Variants in KLF7 observed in about 807,000 individuals in gnomAD.
KLF7 encodes Krueppel-like factor 7.
Under a neutral mutation model 27.3 loss-of-function variants are expected in KLF7, and 2 were observed. That is an observed-to-expected ratio of 0.07 (90% confidence interval 0.03 to 0.23). KLF7 has a LOEUF of 0.23. Among genes scored for constraint, KLF7 ranks in the 10% least tolerant of loss-of-function variants. KLF7 has a pLI of 1.00. For synonymous variants in KLF7, 165 were observed against 162.4 expected (o/e 1.02, Z -0.12); for missense variants, 221 against 394.1 (o/e 0.56, Z 3.72).
At chr2:207,108,188 C>CAAAAACAAAAAT (rs1046301297) in intron 2 of KLF7, among the ~76,000 whole-genome samples, 2 of 151,804 alleles carry the variant, frequency 1.3e-5, no homozygotes, top group Non-Finnish European at 1.5e-5. Context: ...AGGAAAACCA[C>CAAAAACAAAAAT]AAAAACAAAA....
At chr2:207,173,353 G>A in the KLF7 span, among the ~76,000 whole-genome samples, 5 of 152,156 alleles carry the variant, frequency 3.3e-5, no homozygotes, top group Admixed American at 2.0e-4. Context: ...CCTGGTCACC[G>A]CGGCAGTACT....
intron 3 of KLF7, among the ~76,000 whole-genome samples, chr2:207,083,449 A>G (rs1395237446): frequency 6.6e-6 from 1 of 152,198 alleles, no homozygotes; most frequent in African/African-American, 2.4e-5. Context: ...AGATCCCTAT[A>G]AAGAAGGTAC....
At chr2:207,093,255 A>G (rs898168663) in intron 2 of KLF7, among the ~76,000 whole-genome samples, 1 of 152,242 alleles carries the variant, frequency 6.6e-6, no homozygotes, top group Non-Finnish European at 1.5e-5. Flanking sequence ...ATTAAAGTGT[A>G]AAAGTTCCAA....
chr2:207,121,960 C>T (rs1271896440), intron 2 of KLF7: 2 of 152,240 alleles, frequency 1.3e-5, no homozygotes, highest in East Asian at 3.8e-4. Context: ...TCATGAACTC[C>T]ACAGCCCAAA....
chr2:207,103,016 C>T (rs2076803923), intron 2 of KLF7, among the ~76,000 whole-genome samples: 1 of 152,178 alleles, frequency 6.6e-6, no homozygotes, highest in Admixed American at 6.5e-5. Flanking sequence ...GCAACCTCCC[C>T]TCCCTGGTTC....
In KLF7 at chr2:207,165,479, C is replaced by G; in HGVS notation, c.90G>C (p.Glu30Asp). Residue 30 changes from glutamate (E) to aspartate (D), a missense_variant, in exon 1 of 4, where the codon GAG becomes GAC. Glu to Asp is a conservative substitution (Grantham distance 45). This residue lies in a region of KLF7 where 11 missense variants were observed against 50.8 expected (regional missense o/e 0.22). Coordinates refer to ENST00000309446, the MANE Select transcript of KLF7 (RefSeq NM_003709.4). Reference sequence around the variant, plus strand: ...TTAAATCATTCACCTGCTGCCAGGTCTCCTCCAGGGATGGTAAAGCTGAGA... The same window carrying G: ...TTAAATCATTCACCTGCTGCCAGGTGTCCTCCAGGGATGGTAAAGCTGAGA... ...GYFSALPSLE[E>D]TWQQTCLELE... is the part of the protein sequence containing the mutation. The G allele has an allele frequency of 5.0e-6, 8 of 1,614,196 alleles. No homozygotes were observed. Among genetic ancestry groups the G allele is most frequent in the Non-Finnish European group, 6.8e-6 (8 of 1,180,032 alleles).
Position 207,124,154 on chromosome 2 carries a change from G to A in KLF7, c.353C>T (p.Ser118Phe), listed in dbSNP as rs1399548220. 8 of 1,614,094 alleles carry A rather than the reference G, an allele frequency of 5.0e-6. No homozygotes were observed. The highest frequency in any genetic ancestry group is 6.8e-6 in the Non-Finnish European group (8 of 1,180,048). ...GTTGACGGCTGTGTAGCTGTCTAGA[G>A]AAGAGCTGGCCGGCTGGAGGCTGAG... ...TCLSLQPASS[S>F]LDSYTAVNQA... is the part of the protein sequence containing the mutation. The change falls in exon 2 of 4, where the codon TCT becomes TTT. Residue 118 changes from serine to phenylalanine, a missense_variant. Coordinates refer to ENST00000309446, the MANE Select transcript of KLF7 (RefSeq NM_003709.4).
intron 1 of KLF7, among the ~76,000 whole-genome samples, chr2:207,163,609 T>G (rs563049462): frequency 1.3e-5 from 2 of 152,354 alleles, no homozygotes; most frequent in South Asian, 2.1e-4. Flanking sequence ...CTCTGAAAAC[T>G]TGAACCAAAA....
At chr2:207,152,404 T>G (rs1210322382) in intron 1 of KLF7, among the ~76,000 whole-genome samples, 2 of 151,674 alleles carry the variant, frequency 1.3e-5, no homozygotes, top group African/African-American at 4.9e-5. Context: ...GGATGTCTGA[T>G]GGGAAAAAAA....
intron 1 of KLF7, among the ~76,000 whole-genome samples, chr2:207,133,497 C>A (rs1201759325): frequency 6.6e-6 from 1 of 152,182 alleles, no homozygotes; most frequent in African/African-American, 2.4e-5. Context: ...AGCCCAAGGA[C>A]GTGGGAGGAG....
intron 1 of KLF7, among the ~76,000 whole-genome samples, chr2:207,162,985 G>A (rs548656228): frequency 6.6e-6 from 1 of 152,340 alleles, no homozygotes; most frequent in East Asian, 1.9e-4. Flanking sequence ...GAGCAAAAGA[G>A]TCTCAAAATT....
chr2:207,084,004 A>C (rs2076332209), intron 3 of KLF7, among the ~76,000 whole-genome samples: 2 of 152,192 alleles, frequency 1.3e-5, no homozygotes, highest in African/African-American at 4.8e-5. Context: ...CTTGTGTTGG[A>C]CTTCTAACCT....
chr2:207,107,261 G>A (rs1293601093), intron 2 of KLF7, among the ~76,000 whole-genome samples: 1 of 152,138 alleles, frequency 6.6e-6, no homozygotes, highest in Admixed American at 6.5e-5. Context: ...TGGCATCGGA[G>A]GCCTGCTCCT....
At chr2:207,151,756 T>C (rs1021333682) in intron 1 of KLF7, among the ~76,000 whole-genome samples, 13 of 148,154 alleles carry the variant, frequency 8.8e-5, no homozygotes, top group East Asian at 2.0e-4. Flanking sequence ...ACACACAAAA[T>C]AGTAATAATC....
chr2:207,168,650 A>G (rs113388934), upstream of KLF7, among the ~76,000 whole-genome samples: 316 of 152,336 alleles, frequency 2.1e-3, 2 homozygotes, highest in African/African-American at 6.4e-3. Context: ...CTGACTTGCA[A>G]AAGGACTCAA....
chr2:207,166,319 C>A (rs2078707775), upstream of KLF7: 6 of 362,404 alleles, frequency 1.7e-5, no homozygotes, highest in Non-Finnish European at 2.3e-5. Flanking sequence ...TGCTGCCTTA[C>A]AAGGCGGTGC....
At chr2:207,144,548 T>C (rs1297796560) in intron 1 of KLF7, among the ~76,000 whole-genome samples, 2 of 152,190 alleles carry the variant, frequency 1.3e-5, no homozygotes, top group African/African-American at 4.8e-5. Flanking sequence ...TCATAGGTCA[T>C]ATGACCCAAG....
At chr2:207,119,565 G>A (rs1345312714) in intron 2 of KLF7, among the ~76,000 whole-genome samples, 1 of 152,066 alleles carries the variant, frequency 6.6e-6, no homozygotes, top group African/African-American at 2.4e-5. Context: ...GGTAGAATTT[G>A]TGAGAAAGAA....
chr2:207,172,679 T>G, the KLF7 span, among the ~76,000 whole-genome samples: 454 of 152,304 alleles, frequency 3.0e-3, 10 homozygotes, highest in East Asian at 0.065. Context: ...CTCTATTAGT[T>G]TTTTGTATTC....
Sources: allele counts gnomAD v4.1 joint callset (sites outside exome capture counted in the v4.1 genomes callset), GRCh38; gene constraint gnomAD v4.1.1; regional missense constraint gnomAD v4.1.1; transcripts MANE v1.5; gene names NCBI Gene and HGNC (gene_info 2026-07-23, HGNC 2026-07-21).